Variants in RTL9 observed in about 807,000 individuals in gnomAD.
The protein encoded by RTL9 is retrotransposon Gag-like protein 9.
A neutral mutation model predicts 44.7 loss-of-function variants in RTL9; 19 were observed. The observed-to-expected ratio is 0.42, with a 90% confidence interval of 0.30 to 0.62. RTL9 has a LOEUF of 0.62. Among genes scored for constraint, RTL9 ranks in the 20% least tolerant of loss-of-function variants. The pLI is 0.16. For missense variants in RTL9, 1,105 were observed against 1,080.6 expected (o/e 1.02, Z -0.32); for synonymous variants, 407 against 398.9 (o/e 1.02, Z -0.24).
chrX:110,414,304 C>T (rs1271632107), upstream of RTL9, among the ~76,000 whole-genome samples: 2 of 112,535 alleles, frequency 1.8e-5, no homozygotes, highest in East Asian at 5.6e-4. Context: ...ATAGCACTTG[C>T]AAACTTTCTC....
chrX:110,437,351 A>C lies in RTL9; in HGVS notation c.-167-7802A>C, dbSNP rs781602346. Among the ~76,000 whole-genome samples the C allele has an allele frequency of 2.7e-5, 3 of 112,227 alleles. 1 individual carries two copies. Among genetic ancestry groups the C allele is most frequent in the Non-Finnish European group, 5.6e-5 (3 of 53,227 alleles). ...ATTAAGCATTTCCTTTGTACTGGAC[A>C]CTGTACTGGGCTGTACATGCATCAT... is the stretch of plus-strand genomic sequence containing the variant. On this transcript the variant is annotated intron_variant, in intron 1 of 3. Transcript: ENST00000465301.
chrX:110,398,125 G>A (rs2068540720), intron 1 of RTL9, among the ~76,000 whole-genome samples: 1 of 112,107 alleles, frequency 8.9e-6, no homozygotes, highest in Non-Finnish European at 1.9e-5. Flanking sequence ...CTGGCAATGT[G>A]TGATGCATTC....
chrX:110,453,107 G>T (rs752203478), exon 1 of RTL9: 1 of 1,209,119 alleles, frequency 8.3e-7, no homozygotes, highest in Non-Finnish European at 1.1e-6. Flanking sequence ...CCTCTGGAAT[G>T]ATGTCATCCA....
chrX:110,436,808 G>A (rs1398448761), intron 1 of RTL9, among the ~76,000 whole-genome samples: 1 of 112,186 alleles, frequency 8.9e-6, no homozygotes, highest in Non-Finnish European at 1.9e-5. Context: ...GAGGAGGAGA[G>A]CAGCTATGGG....
chrX:110,429,398 T>A (rs2068778439), intron 1 of RTL9, among the ~76,000 whole-genome samples: 1 of 111,567 alleles, frequency 9.0e-6, no homozygotes, highest in African/African-American at 3.3e-5. Context: ...TATGCAACAT[T>A]GAAGGAGTCA....
exon 1 of RTL9, chrX:110,452,321 A>G: frequency 8.3e-7 from 1 of 1,211,710 alleles, no homozygotes; most frequent in South Asian, 1.8e-5. Flanking sequence ...CACAGATGAA[A>G]GCCATGACTT....
chrX:110,400,957 G>A (rs1344638421), intron 1 of RTL9, among the ~76,000 whole-genome samples: 2 of 112,047 alleles, frequency 1.8e-5, no homozygotes, highest in African/African-American at 6.5e-5. Context: ...TTTCTTCCAA[G>A]AGGTGGTGAG....
chrX:110,453,862 T>G, exon 1 of RTL9: 1 of 1,211,545 alleles, frequency 8.3e-7, no homozygotes, highest in Non-Finnish European at 1.1e-6. Flanking sequence ...CCTGGAACAA[T>G]GTCCACACCA....
chrX:110,384,871 G>T (rs1569419363), intron 1 of RTL9, among the ~76,000 whole-genome samples: 1 of 110,785 alleles, frequency 9.0e-6, no homozygotes, highest in African/African-American at 3.3e-5. Flanking sequence ...AATCAGAGTG[G>T]CTATGAATTC....
chrX:110,386,269 A>T (rs1471354654), intron 1 of RTL9, among the ~76,000 whole-genome samples: 2 of 110,098 alleles, frequency 1.8e-5, no homozygotes, highest in African/African-American at 6.6e-5. Context: ...GATGGTTTCA[A>T]TTTTTCCACA....
chrX:110,449,636 G>T (rs138705111), upstream of RTL9, among the ~76,000 whole-genome samples: 1,603 of 112,431 alleles, frequency 0.014, 23 homozygotes, highest in African/African-American at 0.049. Flanking sequence ...CAGACACTGG[G>T]CTTTAAGTGA....
chrX:110,429,458 G>GTTTTTTTTTTTTTTTTTTTTTT (rs554736940), intron 1 of RTL9, among the ~76,000 whole-genome samples: 1 of 80,934 alleles, frequency 1.2e-5, no homozygotes. Context: ...GAGAAAAAGT[G>GTTTTTTTTTTTTTTTTTTTTTT]TTTTTTTTTT....
intron 1 of RTL9, among the ~76,000 whole-genome samples, chrX:110,422,932 G>A (rs1437853610): frequency 8.9e-6 from 1 of 112,287 alleles, no homozygotes; most frequent in South Asian, 3.7e-4. Flanking sequence ...CAAGAACTGG[G>A]GGCTGAGGGG....
intron 1 of RTL9, among the ~76,000 whole-genome samples, chrX:110,409,569 T>A (rs1332170505): frequency 9.0e-6 from 1 of 111,109 alleles, no homozygotes; most frequent in East Asian, 2.8e-4. Context: ...ATGCCCTCCA[T>A]GCCCCCATTA....
intron 1 of RTL9, among the ~76,000 whole-genome samples, chrX:110,389,774 G>A (rs1365770818): frequency 2.7e-5 from 3 of 110,465 alleles, no homozygotes; most frequent in Non-Finnish European, 5.7e-5. Context: ...AGGAGGAAAG[G>A]CGGGGCAGGG....
At chrX:110,452,322 G>T (rs1295712399) in exon 1 of RTL9, 1 of 1,211,782 alleles carries the variant, frequency 8.3e-7, no homozygotes, top group Admixed American at 2.2e-5. Context: ...ACAGATGAAA[G>T]CCATGACTTC....
intron 1 of RTL9, among the ~76,000 whole-genome samples, chrX:110,444,866 G>T (rs940587829): frequency 8.9e-6 from 1 of 112,240 alleles, no homozygotes; most frequent in African/African-American, 3.2e-5. Context: ...ACGGTATACT[G>T]GTCTGTAGTT....
chrX:110,416,369 G>T (rs1033150576), upstream of RTL9, among the ~76,000 whole-genome samples: 1 of 111,930 alleles, frequency 8.9e-6, no homozygotes, highest in African/African-American at 3.2e-5. Flanking sequence ...ACCATGTCCC[G>T]GGCACATGGT....
At chrX:110,409,540 T>C (rs1457960979) in intron 1 of RTL9, among the ~76,000 whole-genome samples, 1 of 111,335 alleles carries the variant, frequency 9.0e-6, no homozygotes, top group Non-Finnish European at 1.9e-5. Flanking sequence ...GGCTCGAGTA[T>C]TGTACGTATA....
Sources: gnomAD v4.1 joint callset for allele counts (sites outside exome capture counted in the v4.1 genomes callset) on GRCh38, gnomAD v4.1.1 for gene constraint, MANE v1.5 for transcripts, NCBI Gene and HGNC (gene_info 2026-07-23, HGNC 2026-07-21) for gene names.